Variants in CDK6 observed in about 807,000 individuals in gnomAD.
CDK6 encodes cyclin-dependent kinase 6.
Under a neutral mutation model 37.1 loss-of-function variants are expected in CDK6, and 6 were observed. The ratio of observed to expected loss-of-function variants is 0.16; its 90% CI spans 0.09 to 0.32. The LOEUF is 0.32. CDK6 is among the 10% of genes least tolerant of loss of function. The pLI is 1.00. For missense variants in CDK6, 224 were observed against 418.9 expected (o/e 0.53, Z 4.06); for synonymous variants, 160 against 161.3 (o/e 0.99, Z 0.06).
At chr7:92,687,139 C>G (rs892948923) in intron 4 of CDK6, among the ~76,000 whole-genome samples, 4 of 152,182 alleles carry the variant, frequency 2.6e-5, no homozygotes, top group Admixed American at 1.3e-4. Flanking sequence ...TCGTGATACC[C>G]TCTGTGAAAG....
intron 4 of CDK6, among the ~76,000 whole-genome samples, chr7:92,694,447 C>T (rs1585405212): frequency 1.3e-5 from 2 of 152,122 alleles, no homozygotes; most frequent in South Asian, 2.1e-4. Context: ...TTGACATTTA[C>T]AGAAATCAAA....
At chr7:92,641,747 C>T (rs1390256610) in intron 5 of CDK6, among the ~76,000 whole-genome samples, 1 of 152,102 alleles carries the variant, frequency 6.6e-6, no homozygotes, top group Non-Finnish European at 1.5e-5. Context: ...CTGAGCTCCA[C>T]CTGAGATGGG....
rs566274438 is a variant in CDK6, at chr7:92,661,454, G to A, written c.647+9972C>T. 8.5e-5 allele frequency among the ~76,000 whole-genome samples: 13 copies of A among 152,210 alleles called. 1 individual carries two copies. The South Asian group carries it at 2.7e-3, about 32-fold the overall frequency. On this transcript the variant is annotated intron_variant, in intron 5 of 7. Coordinates refer to ENST00000424848, the MANE Select transcript of CDK6 (RefSeq NM_001145306.2). ...CTAAGACTTAACTACTAATGGCCGAGTATTGACTGGAAACCTTACCAATAG... is the reference window on the plus strand; with the variant it reads ...CTAAGACTTAACTACTAATGGCCGAATATTGACTGGAAACCTTACCAATAG...
At chr7:92,723,364 C>T (rs995966288) in intron 4 of CDK6, among the ~76,000 whole-genome samples, 1 of 152,170 alleles carries the variant, frequency 6.6e-6, no homozygotes, top group East Asian at 1.9e-4. Flanking sequence ...ATTCCTTTAA[C>T]ATTCCACAAA....
At chr7:92,710,594 T>C in intron 4 of CDK6, 1 of 401,812 alleles carries the variant, frequency 2.5e-6, no homozygotes, top group Non-Finnish European at 3.4e-6. Flanking sequence ...TTTGTACTTG[T>C]AACTAAATAT....
chr7:92,762,861 G>A (rs140227335), intron 3 of CDK6, among the ~76,000 whole-genome samples: 2,539 of 152,172 alleles, frequency 0.017, 80 homozygotes, highest in African/African-American at 0.059. Flanking sequence ...GTGAGCCACC[G>A]CGCCCGGCCT....
At chr7:92,768,789 C>T (rs1349872490) in intron 3 of CDK6, among the ~76,000 whole-genome samples, 1 of 152,068 alleles carries the variant, frequency 6.6e-6, no homozygotes, top group African/African-American at 2.4e-5. Flanking sequence ...TCAAGCCTGC[C>T]TTGTTTTCTG....
chr7:92,817,817 A>C (rs895366889), intron 2 of CDK6, among the ~76,000 whole-genome samples: 5 of 151,934 alleles, frequency 3.3e-5, no homozygotes, highest in Admixed American at 3.3e-4. Flanking sequence ...CAAGGTCACT[A>C]TACAAAAAAG....
chr7:92,650,129 T>A (rs1269164293), intron 5 of CDK6, among the ~76,000 whole-genome samples: 10 of 152,180 alleles, frequency 6.6e-5, no homozygotes, highest in Admixed American at 6.6e-4. Context: ...ACACCCACCC[T>A]CTTTTAATTA....
chr7:92,832,502 C>T (rs1466812059), intron 2 of CDK6, among the ~76,000 whole-genome samples: 3 of 152,224 alleles, frequency 2.0e-5, no homozygotes, highest in African/African-American at 7.2e-5. Context: ...GGCATCAGCA[C>T]TCAAACTCCT....
intron 5 of CDK6, among the ~76,000 whole-genome samples, chr7:92,647,087 C>T (rs1796469580): frequency 6.6e-6 from 1 of 152,162 alleles, no homozygotes; most frequent in Non-Finnish European, 1.5e-5. Context: ...GAGTGATGGG[C>T]TCTGACCTAC....
At chr7:92,679,222 C>G (rs908199648) in intron 4 of CDK6, among the ~76,000 whole-genome samples, 2 of 152,134 alleles carry the variant, frequency 1.3e-5, no homozygotes, top group Non-Finnish European at 2.9e-5. Context: ...GTGGCAACTT[C>G]TTCTCCAAGT....
chr7:92,733,624 C>G (rs1454479263), intron 3 of CDK6, among the ~76,000 whole-genome samples: 1 of 152,048 alleles, frequency 6.6e-6, no homozygotes, highest in Admixed American at 6.5e-5. Context: ...TATTTATATT[C>G]TATGATTAGC....
intron 3 of CDK6, among the ~76,000 whole-genome samples, chr7:92,727,445 G>A (rs910653412): frequency 4.6e-5 from 7 of 152,184 alleles, no homozygotes; most frequent in Non-Finnish European, 7.3e-5. Context: ...ATAAAGTGGA[G>A]AAAGTAGCGA....
intron 2 of CDK6, among the ~76,000 whole-genome samples, chr7:92,797,578 T>C (rs1223604262): frequency 6.6e-6 from 1 of 152,184 alleles, no homozygotes; most frequent in Non-Finnish European, 1.5e-5. Context: ...TTGTTCTGAC[T>C]GCCTCTTAAA....
chr7:92,754,423 C>A (rs1283385181), intron 3 of CDK6, among the ~76,000 whole-genome samples: 1 of 152,138 alleles, frequency 6.6e-6, no homozygotes, highest in African/African-American at 2.4e-5. Context: ...AACGCAAAAC[C>A]TGTTGAAGTT....
At chr7:92,620,704 T>A (rs1419841608) in intron 6 of CDK6, among the ~76,000 whole-genome samples, 8 of 152,038 alleles carry the variant, frequency 5.3e-5, no homozygotes, top group Non-Finnish European at 1.0e-4. Context: ...CCCCAGGAGT[T>A]CAAGACCAGC....
intron 3 of CDK6, among the ~76,000 whole-genome samples, chr7:92,755,017 A>T (rs533356215): frequency 6.6e-6 from 1 of 152,094 alleles, no homozygotes; most frequent in African/African-American, 2.4e-5. Context: ...CTCAGCAAAA[A>T]CATAAAAACG....
intron 5 of CDK6, among the ~76,000 whole-genome samples, chr7:92,668,670 T>A (rs1797010304): frequency 6.6e-6 from 1 of 152,156 alleles, no homozygotes; most frequent in Non-Finnish European, 1.5e-5. Flanking sequence ...TTTAAGAGCC[T>A]ATGGCTTGTG....
Sources: allele counts gnomAD v4.1 joint callset (sites outside exome capture counted in the v4.1 genomes callset), GRCh38; gene constraint gnomAD v4.1.1; transcripts MANE v1.5; gene names NCBI Gene and HGNC (gene_info 2026-07-23, HGNC 2026-07-21).